Variants in KCNH5 observed in about 807,000 individuals in gnomAD.
The protein encoded by KCNH5 is voltage-gated delayed rectifier potassium channel KCNH5.
A neutral mutation model predicts 96.1 loss-of-function variants in KCNH5; 46 were observed. That is an observed-to-expected ratio of 0.48 (90% CI 0.38 to 0.61). The LOEUF is 0.61. Among genes scored for constraint, KCNH5 ranks in the 20% least tolerant of loss-of-function variants. The pLI is 0.00. For missense variants in KCNH5, 907 were observed against 1,225.8 expected (o/e 0.74, Z 3.88); for synonymous variants, 439 against 449.8 (o/e 0.98, Z 0.30).
intron 6 of KCNH5, among the ~76,000 whole-genome samples, chr14:62,969,493 A>G (rs1390869999): frequency 6.6e-6 from 1 of 152,182 alleles, no homozygotes; most frequent in Non-Finnish European, 1.5e-5. Flanking sequence ...AAATCAGAAA[A>G]CCAAACACCA....
chr14:62,800,726 A>C (rs529167504), intron 9 of KCNH5, among the ~76,000 whole-genome samples: 1 of 152,254 alleles, frequency 6.6e-6, no homozygotes, highest in South Asian at 2.1e-4. Context: ...CTTAGTGTGT[A>C]TGTATCCTCT....
chr14:62,994,266 T>C (rs964400171), intron 4 of KCNH5, among the ~76,000 whole-genome samples: 1 of 152,090 alleles, frequency 6.6e-6, no homozygotes, highest in African/African-American at 2.4e-5. Context: ...TTATTTTTTA[T>C]TCTATGGGAA....
intron 10 of KCNH5, among the ~76,000 whole-genome samples, chr14:62,734,094 C>T (rs1272167731): frequency 1.3e-5 from 2 of 152,138 alleles, no homozygotes; most frequent in Non-Finnish European, 2.9e-5. Flanking sequence ...CTCTGACTTC[C>T]ATTTCCCTCT....
At chr14:62,993,608 C>T (rs1445610697) in intron 4 of KCNH5, among the ~76,000 whole-genome samples, 1 of 152,002 alleles carries the variant, frequency 6.6e-6, no homozygotes, top group Non-Finnish European at 1.5e-5. Context: ...ATGTCTTATA[C>T]CAATCCCTTT....
chr14:62,791,586 TCCA>T (rs1438391120), intron 9 of KCNH5, among the ~76,000 whole-genome samples: 5 of 151,660 alleles, frequency 3.3e-5, no homozygotes, highest in African/African-American at 1.2e-4. Flanking sequence ...TGGAAGATAT[TCCA>T]TGCAAACAGT....
intron 7 of KCNH5, among the ~76,000 whole-genome samples, chr14:62,886,426 A>G (rs2140081164): frequency 6.6e-6 from 1 of 152,288 alleles, no homozygotes; most frequent in South Asian, 2.1e-4. Flanking sequence ...ACCCAGCCAC[A>G]TGTTCTCTTT....
At chr14:62,934,222 G>A (rs1442940877) in intron 7 of KCNH5, among the ~76,000 whole-genome samples, 2 of 151,746 alleles carry the variant, frequency 1.3e-5, no homozygotes, top group Non-Finnish European at 2.9e-5. Flanking sequence ...CGCCTCCCGG[G>A]TTCAAGCAAT....
chr14:62,974,512 T>C, intron 6 of KCNH5, among the ~76,000 whole-genome samples: 1 of 152,212 alleles, frequency 6.6e-6, no homozygotes, highest in East Asian at 1.9e-4. Context: ...TCAAACAGAA[T>C]GCCTTCTTTA....
At chr14:62,942,629 A>G (rs1889809985) in intron 7 of KCNH5, among the ~76,000 whole-genome samples, 1 of 152,162 alleles carries the variant, frequency 6.6e-6, no homozygotes, top group Non-Finnish European at 1.5e-5. Context: ...TGTCATACAC[A>G]TCCCACTGGC....
intron 10 of KCNH5, among the ~76,000 whole-genome samples, chr14:62,757,544 T>C (rs1315914925): frequency 1.3e-5 from 2 of 151,714 alleles, no homozygotes; most frequent in Non-Finnish European, 2.9e-5. Context: ...GCAACCTAAG[T>C]GTCCATCAAC....
In KCNH5 at chr14:62,979,057, C is replaced by A. The variant is rs191704448; in HGVS notation, c.942+1815G>T. 8.4e-3 allele frequency among the ~76,000 whole-genome samples: 1,284 copies of A among 152,248 alleles called. 10 individuals are homozygous for A. The highest frequency in any genetic ancestry group is 0.015 in the Admixed American group (226 of 15,300). On this transcript the variant is annotated intron_variant, in intron 6 of 10. Transcript: ENST00000322893. The stretch of plus-strand genomic sequence containing the variant: ...TATTCTTCCACCATCTCTCCATTCA[C>A]CCCACCCCTTGGTAACCATTATTCT...
At chr14:62,819,109 G>A (rs1887061454) in intron 8 of KCNH5, among the ~76,000 whole-genome samples, 1 of 152,098 alleles carries the variant, frequency 6.6e-6, no homozygotes, top group Admixed American at 6.5e-5. Context: ...TGGGACTACA[G>A]GTGCCCGCCA....
intron 10 of KCNH5, among the ~76,000 whole-genome samples, chr14:62,726,204 G>GA (rs1244026114): frequency 3.3e-5 from 5 of 151,856 alleles, no homozygotes; most frequent in African/African-American, 1.2e-4. Context: ...GCTTTTCAAA[G>GA]AAAAAACAGG....
At chr14:62,729,344 G>A (rs1181039268) in intron 10 of KCNH5, among the ~76,000 whole-genome samples, 1 of 152,170 alleles carries the variant, frequency 6.6e-6, no homozygotes, top group Non-Finnish European at 1.5e-5. Context: ...AGATGAAGGT[G>A]CTATTCATAA....
At chr14:62,994,003 T>A (rs114713961) in intron 4 of KCNH5, among the ~76,000 whole-genome samples, 1 of 152,104 alleles carries the variant, frequency 6.6e-6, no homozygotes, top group Non-Finnish European at 1.5e-5. Context: ...AGTTTAGCTC[T>A]ATTGGGTTGC....
chr14:62,763,027 A>C (rs1465394604), intron 10 of KCNH5, among the ~76,000 whole-genome samples: 1 of 152,088 alleles, frequency 6.6e-6, no homozygotes, highest in African/African-American at 2.4e-5. Flanking sequence ...TAAATTCAAC[A>C]CTTGATCCAA....
chr14:62,748,945 C>T (rs952213246), intron 10 of KCNH5, among the ~76,000 whole-genome samples: 1 of 152,022 alleles, frequency 6.6e-6, no homozygotes, highest in Non-Finnish European at 1.5e-5. Flanking sequence ...CTGTTGGAAC[C>T]AAGCCGATAT....
chr14:62,864,605 T>C (rs139900738), intron 7 of KCNH5, among the ~76,000 whole-genome samples: 287 of 152,344 alleles, frequency 1.9e-3, no homozygotes, highest in African/African-American at 6.6e-3. Flanking sequence ...CTGTACTCTC[T>C]TGGAACACTG....
intron 7 of KCNH5, among the ~76,000 whole-genome samples, chr14:62,863,359 T>C (rs1888073573): frequency 6.6e-6 from 1 of 152,204 alleles, no homozygotes; most frequent in East Asian, 1.9e-4. Flanking sequence ...TACTCTGACA[T>C]GCCAGTCTGA....
Sources: allele counts gnomAD v4.1 joint callset (sites outside exome capture counted in the v4.1 genomes callset), GRCh38; gene constraint gnomAD v4.1.1; transcripts MANE v1.5; gene names NCBI Gene and HGNC (gene_info 2026-07-23, HGNC 2026-07-21).